POLDIP2: variants seen among roughly 807,000 people sequenced by gnomAD.
The protein encoded by POLDIP2 is polymerase delta-interacting protein 2.
Under a neutral mutation model 52.9 loss-of-function variants are expected in POLDIP2, and 32 were observed. The ratio of observed to expected loss-of-function variants is 0.61; its 90% CI spans 0.46 to 0.81. The LOEUF (loss-of-function observed/expected upper bound fraction) is 0.81. POLDIP2 is among the 40% of genes least tolerant of loss of function. The pLI is 0.00. For missense variants in POLDIP2, 371 were observed against 477.3 expected, an observed-to-expected ratio of 0.78 and a Z score of 2.07; for synonymous variants, 183 against 183.0, an observed-to-expected ratio of 1.00 and a Z score of 0.00.
At chr17:28,349,914 T>C (rs1481291032) in intron 9 of POLDIP2, among the ~76,000 whole-genome samples, 2 of 152,190 alleles carry the variant, frequency 1.3e-5, no homozygotes, top group African/African-American at 4.8e-5. Flanking sequence ...CTCGCTGACT[T>C]TGATAAATGC....
At chr17:28,354,455 G>A (rs1555580556) in intron 3 of POLDIP2, 33 bp downstream of exon 3, 11 of 1,429,960 alleles carry the variant, frequency 7.7e-6, no homozygotes, top group Admixed American at 3.9e-5. Context: ...TCCTCCTGAG[G>A]ATACTGTGAG....
At chr17:28,352,857 T>C in intron 6 of POLDIP2, 55 bp downstream of exon 6, 1 of 1,072,700 alleles carries the variant, frequency 9.3e-7, no homozygotes, top group Admixed American at 2.0e-5. Context: ...ATTTCTATGA[T>C]ATTCTTTGAT....
rs1907752081 is a variant in POLDIP2 at position 28,350,425 on chromosome 17, C to T, written c.912+13G>A. On this transcript the variant is annotated intron_variant, in intron 9 of 10. Transcript: ENST00000540200. ...CCACACAGGACCAGAATTACTAGAC[C>T]AAGGATGCTCACCCTGCCCACTACC... 6.2e-7 allele frequency: 1 copy of T among 1,600,932 alleles called. No homozygotes were observed. Among genetic ancestry groups the T allele is most frequent in the Non-Finnish European group, 8.5e-7 (1 of 1,174,630 alleles).
chr17:28,354,640 G>T, intron 2 of POLDIP2, 55 bp from the exon 3 acceptor site: 1 of 1,236,888 alleles, frequency 8.1e-7, no homozygotes, highest in Non-Finnish European at 1.2e-6. Context: ...CCATCCAGGT[G>T]GGCCCCAGAC....
intron 8 of POLDIP2, 72 bp downstream of exon 8, chr17:28,350,694 G>T: frequency 6.4e-7 from 1 of 1,558,314 alleles, no homozygotes; most frequent in Non-Finnish European, 8.8e-7. Flanking sequence ...TCAGAAGGTG[G>T]GCTCCCCCAC....
rs781794341 is a variant in POLDIP2, at chr17:28,357,483, G to T, written c.-35C>A. The stretch of plus-strand genomic sequence containing the variant: ...GAGCGCCCGCCCGGCTGCTGACACA[G>T]AGCCCGACCCGCGGCCGGGCGGCGT... On this transcript the variant is annotated 5_prime_UTR_variant, in exon 1 of 11. In the 5' UTR this introduces an upstream ATG that the reference lacks. Coordinates refer to ENST00000540200, the MANE Select transcript of POLDIP2 (RefSeq NM_015584.5). The T allele has an allele frequency of 1.4e-6, 2 of 1,433,342 alleles. No individual in the cohort carries two copies. Among genetic ancestry groups the T allele is most frequent in the East Asian group, 2.6e-5 (1 of 37,914 alleles). 88.8% of individuals were successfully genotyped at this position (1,433,342 alleles called of 1,614,324 possible).
chr17:28,352,207 G>C lies in POLDIP2; in HGVS notation c.623-407C>G, dbSNP rs138526805. On this transcript the variant is annotated intron_variant, in intron 6 of 10. Coordinates refer to ENST00000540200, the MANE Select transcript of POLDIP2 (RefSeq NM_015584.5). Reference sequence around the variant, plus strand: ...ACAGCTCTAACAGGAGGTTGAAAAGGGTTGTGGAAATAGAGCGTTGGAATT... The same window carrying C: ...ACAGCTCTAACAGGAGGTTGAAAAGCGTTGTGGAAATAGAGCGTTGGAATT... Among the ~76,000 whole-genome samples, 423 of 147,204 alleles carry C rather than the reference G, an allele frequency of 2.9e-3. 2 individuals are homozygous for C. The highest frequency in any genetic ancestry group is 0.01 in the African/African-American group (404 of 39,648).
In POLDIP2 at chr17:28,357,397, A is replaced by T. The variant is rs1555581199; in HGVS notation, c.52T>A (p.Ser18Thr). Residue 18 changes from serine to threonine, a missense_variant, in exon 1 of 11, where the codon TCC becomes ACC. By Grantham distance (58) the Ser-to-Thr change is moderately conservative. Transcript: ENST00000540200. ...RALAVGSRWW[S>T]RSLTGARWPR... Reference sequence around the variant, plus strand: ...CACCGGGCCCCAGTCAGCGACCGGGACCACCAGCGGCTGCCCACGGCCAGG... The same window carrying T: ...CACCGGGCCCCAGTCAGCGACCGGGTCCACCAGCGGCTGCCCACGGCCAGG... The T allele has an allele frequency of 6.6e-7, 1 of 1,524,058 alleles. No homozygotes were observed. The highest frequency in any genetic ancestry group is 2.0e-5 in the Admixed American group (1 of 50,836). The allele number at this position is 1,524,058 out of a possible 1,614,324, so 94.4% of individuals were successfully genotyped here.
chr17:28,350,676 C>T (rs1026643682), intron 8 of POLDIP2, 90 bp downstream of exon 8: 31 of 1,552,882 alleles, frequency 2.0e-5, no homozygotes, highest in African/African-American at 1.8e-4. Flanking sequence ...GCACAGGTTC[C>T]GCTCTCGTCA....
chr17:28,350,014 C>T (rs1051955254), intron 9 of POLDIP2, among the ~76,000 whole-genome samples: 6 of 152,158 alleles, frequency 3.9e-5, no homozygotes, highest in Non-Finnish European at 8.8e-5. Context: ...AAAATCAGAT[C>T]TCTTCAAGGA....
chr17:28,351,461 A>T (rs549152783), intron 7 of POLDIP2, among the ~76,000 whole-genome samples: 1 of 152,278 alleles, frequency 6.6e-6, no homozygotes, highest in Non-Finnish European at 1.5e-5. Flanking sequence ...CCTGGGACCT[A>T]TGAGTTTTCC....
chr17:28,353,790 C>T lies in POLDIP2; in HGVS notation c.343G>A (p.Ala115Thr), dbSNP rs782237926. ...GAGCCATGGCCAGCAGGGTTCTCTG[C>T]TCTATGGGGTGGGAGAAGGAGGCCA... ...RDVASAAPEK[A>T]ENPAGHGSKE... Residue 115 changes from alanine to threonine, a missense_variant and splice_region_variant, in exon 4 of 11, where the codon GCA (alanine) becomes ACA (threonine). By Grantham distance (58) the Ala-to-Thr change is moderately conservative (BLOSUM62 0). Transcript: ENST00000540200. 2 of 1,609,106 alleles carry T rather than the reference C, an allele frequency of 1.2e-6. No homozygotes were observed.
Position 28,349,114 on chromosome 17 carries a change from C to A in POLDIP2, c.961G>T (p.Val321Phe). The change falls in exon 10 of 11, where the codon GTC (valine) becomes TTC (phenylalanine). Residue 321 changes from valine (V) to phenylalanine (F), a missense_variant. Coordinates refer to ENST00000540200, the MANE Select transcript of POLDIP2 (RefSeq NM_015584.5). ...EQPAFQYSSH[V>F]SLQASSGHMW... Reference sequence around the variant, plus strand: ...TGCCCACTGGAAGCCTGCAGCGAGACGTGGCTGCTATACTGGAACGCAGGC... The same window carrying A: ...TGCCCACTGGAAGCCTGCAGCGAGAAGTGGCTGCTATACTGGAACGCAGGC... 6.2e-7 allele frequency: 1 copy of A among 1,613,398 alleles called. No individual in the cohort carries two copies. Among genetic ancestry groups the A allele is most frequent in the Non-Finnish European group, 8.5e-7 (1 of 1,179,638 alleles).
At chr17:28,349,029 A>T in intron 10 of POLDIP2, 54 bp downstream of exon 10, 1 of 1,304,248 alleles carries the variant, frequency 7.7e-7, no homozygotes, top group Non-Finnish European at 1.1e-6. Flanking sequence ...TTTCTGACCT[A>T]CAGCTTCTGT....
chr17:28,347,122 C>G lies in POLDIP2; in HGVS notation c.*995G>C, dbSNP rs556280094. 1.3e-5 allele frequency: 2 copies of G among 149,790 alleles called. No individual in the cohort carries two copies. 9.3% of individuals were successfully genotyped at this position (149,790 alleles called of 1,614,324 possible). ...TTGTGTTCTAGCCAGGTCGTAAGCG[C>G]GACTGTACTGTTGCCCTGCAACCCC... On this transcript the variant is annotated 3_prime_UTR_variant, in exon 11 of 11. Coordinates refer to ENST00000540200, the MANE Select transcript of POLDIP2 (RefSeq NM_015584.5).
intron 7 of POLDIP2, among the ~76,000 whole-genome samples, chr17:28,351,443 G>A (rs1281239137): frequency 6.6e-6 from 1 of 152,008 alleles, no homozygotes; most frequent in Non-Finnish European, 1.5e-5. Context: ...CAGGATAAAG[G>A]ATTCCTTCCT....
intron 10 of POLDIP2, 34 bp downstream of exon 10, chr17:28,349,049 T>TGG (rs528879824): frequency 2.1e-4 from 314 of 1,477,080 alleles, no homozygotes; most frequent in Admixed American, 4.9e-4. Flanking sequence ...TTTGTGGAGC[T>TGG]GGGTGGCCCC....
intron 9 of POLDIP2, among the ~76,000 whole-genome samples, 181 bp downstream of exon 9, chr17:28,350,257 A>G (rs782116891): frequency 5.9e-5 from 9 of 152,210 alleles, no homozygotes; most frequent in Non-Finnish European, 1.2e-4. Context: ...CACTCTTTTC[A>G]TCTATGAAAT....
rs1907666149 is a variant in POLDIP2 at position 28,348,345 on chromosome 17, C to T, written c.993-114G>A. ...CAGAGGACATGTGAGCCTGAGCTCT[C>T]TTCTATCTCTAGCTCATGACAGGAT... On this transcript the variant is annotated intron_variant, in intron 10 of 10. Transcript: ENST00000540200. The T allele has an allele frequency of 2.7e-5, 18 of 659,928 alleles. No homozygotes were observed. In the South Asian group the frequency reaches 3.3e-4, roughly 12 times the overall value. 40.9% of individuals were successfully genotyped at this position (659,928 alleles called of 1,614,324 possible).
Sources: allele counts gnomAD v4.1 joint callset (sites outside exome capture counted in the v4.1 genomes callset), GRCh38; gene constraint gnomAD v4.1.1; transcripts MANE v1.5; gene names NCBI Gene and HGNC (gene_info 2026-07-23, HGNC 2026-07-21).